The following CSF2RA variants were observed in gnomAD, a reference collection of about 807,000 sequenced individuals.
CSF2RA encodes colony stimulating factor 2 receptor subunit alpha, also known as granulocyte-macrophage colony-stimulating factor receptor subunit alpha.
In CSF2RA, 42 loss-of-function variants were observed where a neutral mutation model predicts 51.6. That is an observed-to-expected ratio of 0.81 (90% CI 0.64 to 1.05). The LOEUF (loss-of-function observed/expected upper bound fraction) is 1.05. Among genes scored for constraint, CSF2RA ranks in the 50% least tolerant of loss-of-function variants. The probability of loss-of-function intolerance (pLI) is 0.00; values close to 1 mark genes in which losing one functional copy is unlikely to be tolerated. For missense variants in CSF2RA, 530 were observed against 501.1 expected (o/e 1.06, Z -0.55); for synonymous variants, 222 against 193.0 (o/e 1.15, Z -1.24).
chrX:1,314,894 GAACCTGCTCAACCCCACTT>G (rs1319270386), downstream of CSF2RA, among the ~76,000 whole-genome samples: 10 of 87,908 alleles, frequency 1.1e-4, 1 homozygote, highest in African/African-American at 3.0e-4. Context: ...CAACCACACT[GAACCTGCTCAACCCCACTT>G]CACCTGCCCA....
At chrX:1,297,841 C>A (rs2092071930) in intron 9 of CSF2RA, among the ~76,000 whole-genome samples, 1 of 127,200 alleles carries the variant, frequency 7.9e-6, no homozygotes, top group Non-Finnish European at 1.7e-5. Context: ...CCCCTACTCA[C>A]GACCCCTACA....
intron 10 of CSF2RA, among the ~76,000 whole-genome samples, chrX:1,301,912 C>CTTT (rs1158872719): frequency 1.9e-5 from 2 of 103,644 alleles, no homozygotes; most frequent in African/African-American, 3.9e-5. Context: ...GGCCCTCCCT[C>CTTT]TTTTTTTTTT....
At chrX:1,288,974 T>C in intron 6 of CSF2RA, 86 bp downstream of exon 6, 2 of 1,573,568 alleles carry the variant, frequency 1.3e-6, no homozygotes. Context: ...TCCTTTTTCT[T>C]TTTTTAAGAC....
At chrX:1,314,518 C>T (rs868411270), downstream of CSF2RA, among the ~76,000 whole-genome samples, 44 of 110,608 alleles carry the variant, frequency 4.0e-4, no homozygotes, top group African/African-American at 1.0e-3. Context: ...CGCACTGCAC[C>T]TGCCCAATCC....
At chrX:1,280,886 T>TCCTCCTCCTCCTCCTCCTCCTC (rs2089855365) in intron 2 of CSF2RA, among the ~76,000 whole-genome samples, 1 of 65,124 alleles carries the variant, frequency 1.5e-5, no homozygotes, top group African/African-American at 6.5e-5. Context: ...TCCTGCTCCT[T>TCCTCCTCCTCCTCCTCCTCCTC]CTCCTCCTCC....
At chrX:1,279,365 T>A (rs28634297) in intron 2 of CSF2RA, among the ~76,000 whole-genome samples, 77,978 of 143,322 alleles carry the variant, frequency 0.54, 23,233 homozygotes, top group Non-Finnish European at 0.68. Flanking sequence ...ATAATAATAA[T>A]TAATAATAAT....
chrX:1,314,280 C>CACACTGCA (rs1569514728), downstream of CSF2RA, among the ~76,000 whole-genome samples: 3 of 77,236 alleles, frequency 3.9e-5, 1 homozygote, highest in African/African-American at 1.2e-4. Flanking sequence ...CCTGCCCAAC[C>CACACTGCA]CCACTGCATC....
rs1287196496 is a variant in CSF2RA, at chrX:1,290,436, C to T, written c.573C>T (p.Tyr191=). The change falls in exon 7 of 13, where the codon TAC becomes TAT. Residue 191 remains tyrosine, a synonymous_variant. Transcript: ENST00000381529. ...TGTCAGGATTAACGTCTCGCAATTA[C>T]TTTCTGGTTAACGGAACCAGCCGAG... ...DNLSGLTSRN[Y]FLVNGTSREI... is the part of the protein sequence containing the mutation. 6.2e-7 allele frequency: 1 copy of T among 1,613,838 alleles called. No homozygotes were observed. The highest frequency in any genetic ancestry group is 1.7e-5 in the Admixed American group (1 of 59,972).
At chrX:1,304,114 G>C in intron 11 of CSF2RA, 95 bp downstream of exon 11, 1 of 1,151,874 alleles carries the variant, frequency 8.7e-7, no homozygotes, top group Non-Finnish European at 1.3e-6. Flanking sequence ...CTGAGAAAGA[G>C]AAACACAGCC....
chrX:1,270,066 A>G (rs1460204456), intron 1 of CSF2RA, among the ~76,000 whole-genome samples: 6 of 151,906 alleles, frequency 3.9e-5, no homozygotes, highest in Non-Finnish European at 7.4e-5. Context: ...CCCAGATTGC[A>G]CCGTTGCACT....
At chrX:1,280,976 G>C (rs867573527) in intron 2 of CSF2RA, among the ~76,000 whole-genome samples, 891 of 11,870 alleles carry the variant, frequency 0.075, 2 homozygotes, top group Non-Finnish European at 0.079. Flanking sequence ...TCCTCCTCCT[G>C]CTTCTCCTCC....
At chrX:1,316,568 G>A in the CSF2RA span, among the ~76,000 whole-genome samples, 1 of 152,204 alleles carries the variant, frequency 6.6e-6, no homozygotes, top group Admixed American at 6.6e-5. Context: ...CGTCTAACAA[G>A]CGACAGGAGA....
chrX:1,310,825 T>C (rs2084146046), downstream of CSF2RA, among the ~76,000 whole-genome samples: 1 of 152,208 alleles, frequency 6.6e-6, no homozygotes, highest in East Asian at 1.9e-4. Flanking sequence ...GTTCTCCGGG[T>C]TGGAGGTGGG....
At chrX:1,297,551 C>G (rs1287023880) in intron 9 of CSF2RA, among the ~76,000 whole-genome samples, 2 of 53,438 alleles carry the variant, frequency 3.7e-5, no homozygotes, top group African/African-American at 1.4e-4. Flanking sequence ...TGGCGGAACC[C>G]TACAGTCCCC....
chrX:1,315,816 T>C, the CSF2RA span, among the ~76,000 whole-genome samples: 2 of 146,336 alleles, frequency 1.4e-5, no homozygotes, highest in East Asian at 2.1e-4. Context: ...GATAGATAGA[T>C]AGATTAGATA....
rs1321939102 is a variant in CSF2RA, at chrX:1,305,884, C to A, written c.1125+357C>A. ...TCATCTGAGGTCAGAGGTTCGAGAC[C>A]AGCCTGGCCAACGTGGTGAAACCCC... is the stretch of plus-strand genomic sequence containing the variant. On this transcript the variant is annotated intron_variant, in intron 12 of 12. Transcript: ENST00000381529. 1.0e-4 allele frequency: 118 copies of A among 1,175,372 alleles called. 1 individual carries two copies. In the African/African-American group the frequency reaches 1.7e-3, roughly 17 times the overall value. The allele number at this position is 1,175,372 out of a possible 1,614,324, so 72.8% of individuals were successfully genotyped here.
At chrX:1,277,847 C>T (rs2089394467) in intron 2 of CSF2RA, among the ~76,000 whole-genome samples, 3 of 149,148 alleles carry the variant, frequency 2.0e-5, no homozygotes, top group South Asian at 4.2e-4. Flanking sequence ...CATGGTGGTG[C>T]GTGCCTGTAG....
downstream of CSF2RA, among the ~76,000 whole-genome samples, chrX:1,314,931 T>A (rs1194154465): frequency 9.8e-6 from 1 of 102,194 alleles, no homozygotes; most frequent in African/African-American, 3.8e-5. Flanking sequence ...CCAACCGCAC[T>A]GCACTTGCCC....
chrX:1,322,155 G>C, the CSF2RA span, among the ~76,000 whole-genome samples: 29 of 150,786 alleles, frequency 1.9e-4, no homozygotes, highest in African/African-American at 6.8e-4. Flanking sequence ...ACCCAGGCTG[G>C]AGTGCAATGG....
Sources: allele counts gnomAD v4.1 joint callset (sites outside exome capture counted in the v4.1 genomes callset), GRCh38; gene constraint gnomAD v4.1.1; transcripts MANE v1.5; gene names NCBI Gene and HGNC (gene_info 2026-07-23, HGNC 2026-07-21).